NTRK2: variants seen among roughly 807,000 people sequenced by gnomAD.
NTRK2 encodes BDNF/NT-3 growth factors receptor.
In NTRK2, 13 loss-of-function variants were observed where a neutral mutation model predicts 94.5. The ratio of observed to expected loss-of-function variants is 0.14; its 90% confidence interval spans 0.09 to 0.22. The LOEUF (loss-of-function observed/expected upper bound fraction) is 0.22. Among genes scored for constraint, NTRK2 ranks in the 10% least tolerant of loss-of-function variants. NTRK2 has a pLI of 1.00. For missense variants in NTRK2, 639 were observed against 1,071.2 expected (o/e 0.60, Z 5.63); for synonymous variants, 372 against 407.4 (o/e 0.91, Z 1.05).
At chr9:84,843,196 C>G (rs1314889561) in intron 12 of NTRK2, among the ~76,000 whole-genome samples, 1 of 152,144 alleles carries the variant, frequency 6.6e-6, no homozygotes, top group Non-Finnish European at 1.5e-5. Flanking sequence ...GGTTTTCAAT[C>G]TCAACATTTT....
chr9:84,747,880 T>C (rs2064232694), intron 11 of NTRK2, among the ~76,000 whole-genome samples: 1 of 152,186 alleles, frequency 6.6e-6, no homozygotes, highest in South Asian at 2.1e-4. Flanking sequence ...TGAGTTTGTA[T>C]ATTATGACTT....
intron 12 of NTRK2, among the ~76,000 whole-genome samples, chr9:84,830,996 G>A (rs2073510538): frequency 6.6e-6 from 1 of 152,038 alleles, no homozygotes; most frequent in African/African-American, 2.4e-5. Context: ...TATTTACAAG[G>A]ATTTCTTCAT....
At chr9:84,870,125 A>ATT (rs2075780668) in intron 14 of NTRK2, among the ~76,000 whole-genome samples, 1 of 135,260 alleles carries the variant, frequency 7.4e-6, no homozygotes, top group Non-Finnish European at 1.6e-5. Flanking sequence ...ATATATATAT[A>ATT]TACACACACA....
chr9:84,968,544 C>T (rs1329694752), intron 17 of NTRK2, among the ~76,000 whole-genome samples: 1 of 152,198 alleles, frequency 6.6e-6, no homozygotes, highest in Non-Finnish European at 1.5e-5. Flanking sequence ...AGCCTACCAG[C>T]TCTCCAGCTT....
intron 12 of NTRK2, among the ~76,000 whole-genome samples, chr9:84,802,229 A>G (rs1159532376): frequency 6.6e-6 from 1 of 152,196 alleles, no homozygotes. Flanking sequence ...CATAATTTCT[A>G]ACCAAGCTGT....
At chr9:84,965,025 C>G (rs1480749118) in intron 17 of NTRK2, among the ~76,000 whole-genome samples, 1 of 152,138 alleles carries the variant, frequency 6.6e-6, no homozygotes, top group Non-Finnish European at 1.5e-5. Context: ...CCTGCCTACA[C>G]AGAATTATTA....
At chr9:84,716,558 A>C (rs1183112522) in intron 6 of NTRK2, among the ~76,000 whole-genome samples, 1 of 152,186 alleles carries the variant, frequency 6.6e-6, no homozygotes, top group Non-Finnish European at 1.5e-5. Flanking sequence ...CTCTATGTGG[A>C]AGTTAGAGTG....
intron 5 of NTRK2, among the ~76,000 whole-genome samples, chr9:84,709,837 C>A (rs1458809411): frequency 6.6e-6 from 1 of 151,894 alleles, no homozygotes. Flanking sequence ...CCTCTTTTAC[C>A]CATTGCAGGC....
intron 17 of NTRK2, among the ~76,000 whole-genome samples, chr9:85,016,957 G>A (rs1043449762): frequency 3.3e-5 from 5 of 152,112 alleles, no homozygotes; most frequent in Non-Finnish European, 2.9e-5. Context: ...AAATCAAAAC[G>A]TGAATCTTTT....
intron 17 of NTRK2, among the ~76,000 whole-genome samples, chr9:84,962,556 G>T (rs146401494): frequency 6.6e-6 from 1 of 152,200 alleles, no homozygotes; most frequent in African/African-American, 2.4e-5. Context: ...ACGTAGAAGT[G>T]CTACATTCAG....
chr9:84,687,140 C>T (rs1383878494), intron 2 of NTRK2, among the ~76,000 whole-genome samples: 2 of 152,074 alleles, frequency 1.3e-5, no homozygotes, highest in African/African-American at 2.4e-5. Context: ...TCTTGAACTC[C>T]TGGGCTCAAG....
intron 2 of NTRK2, among the ~76,000 whole-genome samples, chr9:84,685,621 A>G (rs2059665008): frequency 6.6e-6 from 1 of 152,026 alleles, no homozygotes; most frequent in African/African-American, 2.4e-5. Context: ...TCATGCCTCT[A>G]CCTTTGTTTG....
At chr9:84,791,828 C>G (rs1433991882) in intron 12 of NTRK2, among the ~76,000 whole-genome samples, 1 of 152,118 alleles carries the variant, frequency 6.6e-6, no homozygotes, top group Non-Finnish European at 1.5e-5. Context: ...AAACACAACT[C>G]AAGCTTGAAA....
At chr9:84,968,361 A>G (rs775086524) in intron 17 of NTRK2, among the ~76,000 whole-genome samples, 3 of 152,202 alleles carry the variant, frequency 2.0e-5, no homozygotes, top group Non-Finnish European at 2.9e-5. Context: ...ATCATAAAAG[A>G]TCCATCTAGG....
chr9:85,014,233 G>C (rs1831961072), intron 17 of NTRK2, among the ~76,000 whole-genome samples: 2 of 152,200 alleles, frequency 1.3e-5, no homozygotes, highest in African/African-American at 4.8e-5. Context: ...GGATACAGTA[G>C]AAGAGAAGGG....
chr9:84,848,743 C>A (rs569829816), intron 12 of NTRK2, among the ~76,000 whole-genome samples: 2 of 152,224 alleles, frequency 1.3e-5, no homozygotes, highest in East Asian at 3.9e-4. Flanking sequence ...GATCTTTGAG[C>A]ACGAAAAAAA....
chr9:84,896,342 G>A (rs1040657645), intron 14 of NTRK2, among the ~76,000 whole-genome samples: 1 of 152,206 alleles, frequency 6.6e-6, no homozygotes, highest in Non-Finnish European at 1.5e-5. Flanking sequence ...TATCTTTGAT[G>A]CCTGAAACAC....
chr9:84,971,079 A>G (rs1826128207), intron 17 of NTRK2, among the ~76,000 whole-genome samples: 1 of 152,332 alleles, frequency 6.6e-6, no homozygotes, highest in South Asian at 2.1e-4. Flanking sequence ...GAAGACATAG[A>G]TTCATTTAAA....
intron 17 of NTRK2, among the ~76,000 whole-genome samples, chr9:84,990,629 T>C (rs1478595726): frequency 6.6e-6 from 1 of 152,174 alleles, no homozygotes; most frequent in Non-Finnish European, 1.5e-5. Flanking sequence ...TTAGAAACTC[T>C]CCCACGTTGG....
Sources: allele counts gnomAD v4.1 joint callset (sites outside exome capture counted in the v4.1 genomes callset), GRCh38; gene constraint gnomAD v4.1.1; transcripts MANE v1.5; gene names NCBI Gene and HGNC (gene_info 2026-07-23, HGNC 2026-07-21).